Variants in CRPPA observed in about 807,000 individuals in gnomAD.
CRPPA encodes CDP-L-ribitol pyrophosphorylase A.
In CRPPA, 43 loss-of-function variants were observed where a neutral mutation model predicts 52.0. That is an observed-to-expected ratio of 0.83 (90% CI 0.65 to 1.07). The LOEUF (loss-of-function observed/expected upper bound fraction) is 1.07, where lower values mean the gene tolerates loss of function less well. Ranked by LOEUF, CRPPA falls within the 50% of genes least tolerant of loss-of-function variation. The probability of loss-of-function intolerance (pLI) is 0.00; values close to 1 mark genes in which losing one functional copy is unlikely to be tolerated. For synonymous variants in CRPPA, 250 were observed against 203.5 expected (o/e 1.23, Z -1.94); for missense variants, 629 against 551.7 (o/e 1.14, Z -1.40).
chr7:16,398,811 C>G (rs200291107), intron 2 of CRPPA, among the ~76,000 whole-genome samples: 17,587 of 152,250 alleles, frequency 0.12, 1,135 homozygotes, highest in South Asian at 0.24. Flanking sequence ...ATGATTGAAA[C>G]GTGACCAATA....
intron 3 of CRPPA, among the ~76,000 whole-genome samples, chr7:16,369,843 T>C (rs1167039297): frequency 6.6e-6 from 1 of 152,042 alleles, no homozygotes; most frequent in African/African-American, 2.4e-5. Context: ...TTGAAAGAAG[T>C]GGCAGGCTGC....
At chr7:16,160,135 T>C (rs558559608) in intron 9 of CRPPA, among the ~76,000 whole-genome samples, 1 of 152,322 alleles carries the variant, frequency 6.6e-6, no homozygotes, top group African/African-American at 2.4e-5. Context: ...ACTCTGATGA[T>C]AGTTTATTTT....
In CRPPA at chr7:16,421,434, G is replaced by C; in HGVS notation, c.-112C>G. ...AGGGCAGACCACGGAGAGGGACGCA[G>C]AGCGCGCAAGCAGAAGGCGCCCCCC... On this transcript the variant is annotated 5_prime_UTR_variant, in exon 1 of 10. Transcript: ENST00000407010. The C allele has an allele frequency of 9.2e-7, 1 of 1,082,290 alleles. No homozygotes were observed. The allele number at this position is 1,082,290 out of a possible 1,614,324, so 67.0% of individuals were successfully genotyped here.
At chr7:16,176,479 T>C (rs1781299033) in intron 9 of CRPPA, among the ~76,000 whole-genome samples, 1 of 152,118 alleles carries the variant, frequency 6.6e-6, no homozygotes, top group Non-Finnish European at 1.5e-5. Context: ...GAGGTACCAT[T>C]ACACACCTAT....
At chr7:16,314,125 T>C (rs1270363086) in intron 3 of CRPPA, among the ~76,000 whole-genome samples, 1 of 151,720 alleles carries the variant, frequency 6.6e-6, no homozygotes, top group African/African-American at 2.4e-5. Flanking sequence ...TAATAATGGA[T>C]TTACCTATCT....
At chr7:16,348,544 G>A (rs568360958) in intron 3 of CRPPA, among the ~76,000 whole-genome samples, 9 of 152,316 alleles carry the variant, frequency 5.9e-5, no homozygotes, top group South Asian at 4.1e-4. Flanking sequence ...GTATATGAGC[G>A]TCTCCTGAAG....
chr7:16,397,722 T>C (rs913151883), intron 2 of CRPPA, among the ~76,000 whole-genome samples: 2 of 152,002 alleles, frequency 1.3e-5, no homozygotes, highest in Non-Finnish European at 2.9e-5. Context: ...GCGACCAACG[T>C]TTGAGACATG....
intron 3 of CRPPA, among the ~76,000 whole-genome samples, chr7:16,321,112 T>G (rs966098602): frequency 2.6e-5 from 4 of 152,112 alleles, no homozygotes; most frequent in African/African-American, 7.2e-5. Context: ...CATTACAAAC[T>G]TAGAGGCAAC....
chr7:16,323,743 G>C (rs1038155409), intron 3 of CRPPA, among the ~76,000 whole-genome samples: 2 of 152,058 alleles, frequency 1.3e-5, no homozygotes, highest in Admixed American at 1.3e-4. Flanking sequence ...AAAGCATAAT[G>C]AACAATCCAT....
chr7:16,253,578 T>C (rs924067082), intron 8 of CRPPA, among the ~76,000 whole-genome samples: 3 of 152,226 alleles, frequency 2.0e-5, no homozygotes, highest in Admixed American at 6.5e-5. Context: ...GGATGTATAT[T>C]CTGTTGATTT....
At chr7:16,108,334 C>G (rs1365983024) in intron 9 of CRPPA, among the ~76,000 whole-genome samples, 1 of 151,684 alleles carries the variant, frequency 6.6e-6, no homozygotes. Context: ...TATACTTAGA[C>G]AAAATAGACT....
intron 3 of CRPPA, among the ~76,000 whole-genome samples, chr7:16,365,158 G>C (rs891094792): frequency 2.0e-5 from 3 of 152,166 alleles, no homozygotes; most frequent in African/African-American, 7.2e-5. Context: ...TCTGGAGACA[G>C]AGAACCATGA....
chr7:16,249,274 T>A (rs1783371084), intron 8 of CRPPA, among the ~76,000 whole-genome samples: 1 of 152,058 alleles, frequency 6.6e-6, no homozygotes, highest in African/African-American at 2.4e-5. Flanking sequence ...ACAGAGCACC[T>A]GGGGGAAGGG....
intron 3 of CRPPA, among the ~76,000 whole-genome samples, chr7:16,310,947 C>G (rs1158712156): frequency 6.6e-6 from 1 of 152,088 alleles, no homozygotes. Context: ...AGTTTGAGGG[C>G]AGAATATGAA....
intron 2 of CRPPA, among the ~76,000 whole-genome samples, chr7:16,385,303 T>C (rs914987925): frequency 2.0e-5 from 3 of 151,832 alleles, no homozygotes; most frequent in Non-Finnish European, 4.4e-5. Context: ...TTCAAGAAGC[T>C]CAATGAAGTC....
intron 9 of CRPPA, among the ~76,000 whole-genome samples, chr7:16,135,870 TATCTG>T (rs1222485851): frequency 6.6e-6 from 1 of 152,188 alleles, no homozygotes; most frequent in Non-Finnish European, 1.5e-5. Context: ...TGGTAGTGAT[TATCTG>T]TTTATCTCTG....
At chr7:16,298,141 G>A (rs1023138490) in intron 5 of CRPPA, among the ~76,000 whole-genome samples, 1 of 152,106 alleles carries the variant, frequency 6.6e-6, no homozygotes, top group Non-Finnish European at 1.5e-5. Flanking sequence ...AATGGAGGGG[G>A]TAAACTCAGG....
intron 2 of CRPPA, among the ~76,000 whole-genome samples, chr7:16,400,491 C>T (rs571098369): frequency 1.3e-5 from 2 of 152,200 alleles, no homozygotes; most frequent in African/African-American, 2.4e-5. Context: ...CCATGACCAA[C>T]ATGTATAACA....
intron 3 of CRPPA, among the ~76,000 whole-genome samples, chr7:16,323,841 C>T (rs1330252587): frequency 6.6e-6 from 1 of 152,126 alleles, no homozygotes; most frequent in Non-Finnish European, 1.5e-5. Context: ...AAAAGCACAT[C>T]ACACAAATAT....
Sources: allele counts gnomAD v4.1 joint callset (sites outside exome capture counted in the v4.1 genomes callset), GRCh38; gene constraint gnomAD v4.1.1; transcripts MANE v1.5; gene names NCBI Gene and HGNC (gene_info 2026-07-23, HGNC 2026-07-21).